LTBP1: variants seen among roughly 807,000 people sequenced by gnomAD.
LTBP1 encodes the protein latent-transforming growth factor beta-binding protein 1.
LTBP1 carries 129 observed loss-of-function variants against 207.6 expected under a neutral mutation model. That is an observed-to-expected ratio of 0.62 (90% CI 0.54 to 0.72). LTBP1 has a LOEUF of 0.72. Ranked by LOEUF, LTBP1 falls within the 30% of genes least tolerant of loss-of-function variation. The pLI is 0.00. For missense variants in LTBP1, 2,281 were observed against 2,217.2 expected (o/e 1.03, Z -0.58); for synonymous variants, 963 against 833.7 (o/e 1.16, Z -2.67).
At chr2:32,975,602 T>G (rs1681622936) in intron 2 of LTBP1, among the ~76,000 whole-genome samples, 2 of 129,196 alleles carry the variant, frequency 1.5e-5, no homozygotes, top group African/African-American at 3.1e-5. Flanking sequence ...TTTTTTTTTT[T>G]TTTTTTTTTT....
chr2:33,340,779 G>A (rs920356979), intron 24 of LTBP1, among the ~76,000 whole-genome samples: 1 of 152,096 alleles, frequency 6.6e-6, no homozygotes, highest in Non-Finnish European at 1.5e-5. Context: ...CACTTTGTAC[G>A]TGTTATTTTG....
chr2:33,218,809 G>A (rs2090900505), intron 8 of LTBP1, among the ~76,000 whole-genome samples: 2 of 152,160 alleles, frequency 1.3e-5, no homozygotes, highest in Admixed American at 1.3e-4. Context: ...ATCTTTCTTT[G>A]CCTCATATAA....
intron 3 of LTBP1, among the ~76,000 whole-genome samples, chr2:33,080,317 C>T (rs942815904): frequency 2.6e-5 from 4 of 152,134 alleles, no homozygotes; most frequent in Admixed American, 2.0e-4. Context: ...CATGAGCCAC[C>T]ACGCCCATCC....
At chr2:33,249,368 T>G (rs1035412392) in intron 10 of LTBP1, among the ~76,000 whole-genome samples, 1 of 100,874 alleles carries the variant, frequency 9.9e-6, no homozygotes, top group African/African-American at 3.7e-5. Flanking sequence ...CACACACACA[T>G]TTACAACCTC....
At chr2:33,139,067 C>G (rs1413987121) in intron 5 of LTBP1, among the ~76,000 whole-genome samples, 8 of 148,116 alleles carry the variant, frequency 5.4e-5, no homozygotes, top group African/African-American at 1.5e-4. Context: ...ACCGTGTTAG[C>G]CAGGATGGTC....
chr2:33,164,784 C>T (rs1378276319), intron 5 of LTBP1, among the ~76,000 whole-genome samples: 1 of 152,206 alleles, frequency 6.6e-6, no homozygotes, highest in Non-Finnish European at 1.5e-5. Context: ...TTGTCACCTA[C>T]TTAGGGCATT....
At chr2:33,379,983 C>T (rs1168014569) in intron 31 of LTBP1, among the ~76,000 whole-genome samples, 14 of 152,110 alleles carry the variant, frequency 9.2e-5, no homozygotes, top group Non-Finnish European at 8.8e-5. Flanking sequence ...ACACAATTTT[C>T]TTTATAATTT....
At chr2:33,392,938 G>A (rs1432330081) in intron 32 of LTBP1, among the ~76,000 whole-genome samples, 1 of 151,504 alleles carries the variant, frequency 6.6e-6, no homozygotes, top group African/African-American at 2.4e-5. Context: ...CACCCCATGA[G>A]CTGAGGAGAT....
At chr2:33,201,408 C>T (rs2089247889) in intron 7 of LTBP1, among the ~76,000 whole-genome samples, 1 of 143,408 alleles carries the variant, frequency 7.0e-6, no homozygotes, top group South Asian at 2.2e-4. Context: ...TATTCTCACT[C>T]ATAGGTGGGA....
intron 5 of LTBP1, among the ~76,000 whole-genome samples, chr2:33,182,000 A>T (rs1286845508): frequency 6.6e-6 from 1 of 152,228 alleles, no homozygotes; most frequent in Non-Finnish European, 1.5e-5. Context: ...AAAGGGTTCA[A>T]TACATACTTA....
At chr2:33,094,353 G>C (rs1480130495) in intron 3 of LTBP1, among the ~76,000 whole-genome samples, 1 of 152,126 alleles carries the variant, frequency 6.6e-6, no homozygotes, top group Non-Finnish European at 1.5e-5. Context: ...GAGACCTAAT[G>C]TAAGATATTG....
intron 7 of LTBP1, among the ~76,000 whole-genome samples, chr2:33,189,922 G>A (rs1325481665): frequency 6.6e-6 from 1 of 152,116 alleles, no homozygotes; most frequent in African/African-American, 2.4e-5. Flanking sequence ...AGCTACTTGG[G>A]AGGCTGAGGC....
intron 24 of LTBP1, among the ~76,000 whole-genome samples, chr2:33,334,793 G>T (rs1164028744): frequency 1.3e-5 from 2 of 151,950 alleles, no homozygotes; most frequent in South Asian, 2.1e-4. Context: ...TAAGTAGGCT[G>T]GGCATGGTGG....
At chr2:33,179,348 G>A (rs13417974) in intron 5 of LTBP1, among the ~76,000 whole-genome samples, 12,113 of 152,034 alleles carry the variant, frequency 0.08, 1,047 homozygotes, top group African/African-American at 0.22. Context: ...GAATATTCGT[G>A]AAGTCTTTTA....
chr2:33,061,040 A>T (rs2077246785), intron 3 of LTBP1, among the ~76,000 whole-genome samples: 1 of 152,216 alleles, frequency 6.6e-6, no homozygotes, highest in South Asian at 2.1e-4. Flanking sequence ...TGGAGTTGGT[A>T]GGACACATTC....
At chr2:33,095,792 G>C (rs2079351000) in intron 3 of LTBP1, among the ~76,000 whole-genome samples, 1 of 151,914 alleles carries the variant, frequency 6.6e-6, no homozygotes, top group Non-Finnish European at 1.5e-5. Context: ...AAGGGTAAGT[G>C]GCCTTGAAGA....
At chr2:33,337,731 G>A (rs758747778) in intron 24 of LTBP1, among the ~76,000 whole-genome samples, 4 of 152,154 alleles carry the variant, frequency 2.6e-5, no homozygotes, top group Admixed American at 6.5e-5. Context: ...AAATTGCTTG[G>A]TAGTTTTAAC....
At chr2:33,136,130 GA>G (rs761292477) in intron 5 of LTBP1, among the ~76,000 whole-genome samples, 2 of 152,156 alleles carry the variant, frequency 1.3e-5, no homozygotes, top group African/African-American at 4.8e-5. Context: ...TCTGTACTTG[GA>G]AAAAATATGT....
At chr2:33,233,836 G>T (rs1020585331) in intron 9 of LTBP1, among the ~76,000 whole-genome samples, 1 of 151,710 alleles carries the variant, frequency 6.6e-6, no homozygotes, top group Admixed American at 6.6e-5. Context: ...TATATATTTT[G>T]CTAACTTTTT....
Sources: allele counts gnomAD v4.1 joint callset (sites outside exome capture counted in the v4.1 genomes callset), GRCh38; gene constraint gnomAD v4.1.1; transcripts MANE v1.5; gene names NCBI Gene and HGNC (gene_info 2026-07-23, HGNC 2026-07-21).